Variants in ROBO2 observed in about 807,000 individuals in gnomAD.
ROBO2 encodes roundabout guidance receptor 2.
ROBO2 carries 53 observed loss-of-function variants against 160.8 expected under a neutral mutation model. The ratio of observed to expected loss-of-function variants is 0.33; its 90% CI spans 0.26 to 0.41. The LOEUF is 0.41. ROBO2 is among the 10% of genes least tolerant of loss of function. The probability of loss-of-function intolerance (pLI) is 1.00; values close to 1 mark genes in which losing one functional copy is unlikely to be tolerated. For synonymous variants in ROBO2, 664 were observed against 611.7 expected, an observed-to-expected ratio of 1.09 and a Z score of -1.26; for missense variants, 1,577 against 1,722.4, an observed-to-expected ratio of 0.92 and a Z score of 1.49.
intron 2 of ROBO2, among the ~76,000 whole-genome samples, chr3:76,911,191 C>T (rs530535501): frequency 2.1e-4 from 32 of 152,258 alleles, no homozygotes; most frequent in Middle Eastern, 3.4e-3. Flanking sequence ...CAACAAACTC[C>T]TTTCCAAGGA....
chr3:76,761,965 A>G (rs963527115), intron 2 of ROBO2, among the ~76,000 whole-genome samples: 2 of 151,554 alleles, frequency 1.3e-5, no homozygotes, highest in African/African-American at 4.8e-5. Context: ...ACTTTTTTTT[A>G]TCTAATAAGA....
chr3:76,667,280 T>G (rs2092087067), intron 2 of ROBO2, among the ~76,000 whole-genome samples: 1 of 152,200 alleles, frequency 6.6e-6, no homozygotes, highest in African/African-American at 2.4e-5. Flanking sequence ...CTTGCCAATC[T>G]ACTTAGAATA....
chr3:77,118,481 T>G (rs2074419170), intron 2 of ROBO2, among the ~76,000 whole-genome samples: 1 of 152,208 alleles, frequency 6.6e-6, no homozygotes, highest in South Asian at 2.1e-4. Flanking sequence ...TTTTAAATTC[T>G]TAAATGTGAT....
intron 2 of ROBO2, among the ~76,000 whole-genome samples, chr3:76,736,289 A>AAAATAAAATAAAATAAAATAAAATT (rs1553886972): frequency 2.0e-5 from 3 of 149,530 alleles, no homozygotes; most frequent in Non-Finnish European, 4.5e-5. Flanking sequence ...CTCAAAAAAT[A>AAAATAAAATAAAATAAAATAAAATT]AAATAAAATA....
At chr3:77,355,299 A>G (rs1489913884) in intron 2 of ROBO2, among the ~76,000 whole-genome samples, 2 of 152,092 alleles carry the variant, frequency 1.3e-5, no homozygotes, top group African/African-American at 4.8e-5. Flanking sequence ...AATATCTTAT[A>G]AATTAGATCA....
intron 2 of ROBO2, among the ~76,000 whole-genome samples, chr3:76,730,307 C>T (rs112363544): frequency 2.5e-5 from 2 of 79,802 alleles, no homozygotes; most frequent in South Asian, 9.1e-4. Context: ...CTACTCCCTA[C>T]CCGCTTCTCC....
chr3:77,285,023 A>C (rs2060487134), intron 2 of ROBO2, among the ~76,000 whole-genome samples: 1 of 152,180 alleles, frequency 6.6e-6, no homozygotes. Context: ...CTAATGAGGG[A>C]AAGAAGCCAG....
chr3:77,505,441 G>A (rs2088346540), intron 5 of ROBO2, among the ~76,000 whole-genome samples: 1 of 152,044 alleles, frequency 6.6e-6, no homozygotes, highest in Non-Finnish European at 1.5e-5. Context: ...AAAAGGTGGT[G>A]TGTTCAATAA....
chr3:76,158,820 A>G (rs901732281), intron 2 of ROBO2, among the ~76,000 whole-genome samples: 1 of 152,192 alleles, frequency 6.6e-6, no homozygotes, highest in Non-Finnish European at 1.5e-5. Flanking sequence ...GAGTCAAACT[A>G]TCATGGGGCA....
At chr3:76,070,912 C>T (rs996030582) in intron 2 of ROBO2, among the ~76,000 whole-genome samples, 50 of 152,200 alleles carry the variant, frequency 3.3e-4, no homozygotes, top group African/African-American at 4.6e-4. Context: ...CTTAATGTCA[C>T]GAAAACAAGT....
rs573719752 is a variant in ROBO2, at chr3:76,325,063, C to T, written c.109+387461C>T. Among the ~76,000 whole-genome samples the T allele has an allele frequency of 2.6e-5, 4 of 152,356 alleles. No individual in the cohort carries two copies. In the South Asian group the frequency reaches 6.2e-4, roughly 24 times the overall value. ...GAGCTTGCAGTGAGCAGAGATCGCACCACTGCACTCCAGCCTGCGTGACAG... is the reference window on the plus strand; with the variant it reads ...GAGCTTGCAGTGAGCAGAGATCGCATCACTGCACTCCAGCCTGCGTGACAG... On this transcript the variant is annotated intron_variant, in intron 2 of 26. Transcript: ENST00000487694.
chr3:77,239,233 T>G (rs934442712), intron 2 of ROBO2, among the ~76,000 whole-genome samples: 2 of 152,166 alleles, frequency 1.3e-5, no homozygotes, highest in African/African-American at 4.8e-5. Context: ...TTCTGTTGGG[T>G]TCGTGGTCTC....
rs545956123 is a variant in ROBO2, at chr3:77,057,560, T to A, written c.61+16714T>A. ...TAATGTGGAAGCTATACCTTTTAGA[T>A]TCCAGAGGATTTTTTTTTTTTTTTT... On this transcript the variant is annotated intron_variant, in intron 1 of 25. Coordinates refer to ENST00000461745, the Ensembl canonical transcript of ROBO2. 3.5e-5 allele frequency among the ~76,000 whole-genome samples: 5 copies of A among 142,174 alleles called. No individual in the cohort carries two copies. The East Asian group carries it at 6.5e-4, about 18-fold the overall frequency. 93.3% of individuals were successfully genotyped at this position (142,174 alleles called of 152,430 possible). A position where few individuals can be genotyped will look rare whatever the true frequency, so the allele number is the denominator to read the frequency against.
Position 75,989,191 on chromosome 3 carries a change from C to T in ROBO2, c.109+51589C>T, listed in dbSNP as rs886352814. ...TGGAGTGCAATGGTGTGATCTGGCT[C>T]ACTGCAACCTCCACCTCCCAGGTTC... On this transcript the variant is annotated intron_variant, in intron 2 of 26. Coordinates refer to the ROBO2 transcript ENST00000487694. 2.6e-5 allele frequency among the ~76,000 whole-genome samples: 4 copies of T among 152,142 alleles called. No homozygotes were observed. In the East Asian group the frequency reaches 5.8e-4, roughly 22 times the overall value.
intron 1 of ROBO2, among the ~76,000 whole-genome samples, chr3:77,067,994 T>C (rs1183189622): frequency 4.6e-5 from 7 of 152,168 alleles, no homozygotes; most frequent in Non-Finnish European, 8.8e-5. Context: ...CGTCTAAGTC[T>C]TTGCTTTATT....
intron 2 of ROBO2, among the ~76,000 whole-genome samples, chr3:76,374,153 G>A (rs114312271): frequency 1.2e-4 from 18 of 151,962 alleles, no homozygotes; most frequent in African/African-American, 4.1e-4. Context: ...TGGAAAAAAC[G>A]AGTCCCCCCT....
At chr3:76,631,017 C>T (rs981930276) in intron 2 of ROBO2, among the ~76,000 whole-genome samples, 5 of 152,106 alleles carry the variant, frequency 3.3e-5, no homozygotes, top group Admixed American at 1.3e-4. Context: ...GCTGAATGTG[C>T]GAGAATTTAG....
At chr3:76,503,426 C>T (rs1044963767) in intron 2 of ROBO2, among the ~76,000 whole-genome samples, 2 of 152,102 alleles carry the variant, frequency 1.3e-5, no homozygotes, top group Non-Finnish European at 2.9e-5. Flanking sequence ...ATTAGCATCA[C>T]AAGTCCATAT....
chr3:76,829,519 TC>T (rs1400548773), intron 2 of ROBO2, among the ~76,000 whole-genome samples: 1 of 151,918 alleles, frequency 6.6e-6, no homozygotes, highest in African/African-American at 2.4e-5. Context: ...TGCATGACAC[TC>T]CCAGTACGTT....
Sources: allele counts gnomAD v4.1 joint callset (sites outside exome capture counted in the v4.1 genomes callset), GRCh38; gene constraint gnomAD v4.1.1; transcripts MANE v1.5; gene names NCBI Gene and HGNC (gene_info 2026-07-23, HGNC 2026-07-21).